Variants in STX2 observed in about 807,000 individuals in gnomAD.
STX2 encodes the protein syntaxin 2, also known as syntaxin-2.
A neutral mutation model predicts 40.6 loss-of-function variants in STX2; 27 were observed. That is an observed-to-expected ratio of 0.66 (90% CI 0.49 to 0.92). The LOEUF is 0.92. Among genes scored for constraint, STX2 ranks in the 40% least tolerant of loss-of-function variants. The pLI, the probability that STX2 is intolerant of heterozygous loss-of-function variation, is 0.00. For missense variants in STX2, 328 were observed against 366.1 expected (o/e 0.90, Z 0.85); for synonymous variants, 123 against 119.1 (o/e 1.03, Z -0.22).
At chr12:130,816,172 C>G (rs1375054396) in intron 3 of STX2, among the ~76,000 whole-genome samples, 6 of 152,190 alleles carry the variant, frequency 3.9e-5, no homozygotes, top group African/African-American at 1.4e-4. Context: ...GTGCAGGGGT[C>G]CGGCCCAGCC....
chr12:130,792,905 A>G (rs1460909383), intron 10 of STX2, among the ~76,000 whole-genome samples: 1 of 152,220 alleles, frequency 6.6e-6, no homozygotes, highest in Non-Finnish European at 1.5e-5. Flanking sequence ...GTATCCTCAC[A>G]CAAGGCAAAG....
At chr12:130,808,146 C>A (rs1316169417) in intron 5 of STX2, among the ~76,000 whole-genome samples, 2 of 152,206 alleles carry the variant, frequency 1.3e-5, no homozygotes, top group Non-Finnish European at 2.9e-5. Context: ...TCCTCCCTCA[C>A]CTCAGGCTCA....
chr12:130,795,353 A>G (rs1160489669), intron 10 of STX2, among the ~76,000 whole-genome samples: 1 of 152,188 alleles, frequency 6.6e-6, no homozygotes, highest in Non-Finnish European at 1.5e-5. Flanking sequence ...AAAACTCAGG[A>G]GACAAAACAT....
At chr12:130,834,652 A>C (rs1299773587) in intron 1 of STX2, among the ~76,000 whole-genome samples, 1 of 152,246 alleles carries the variant, frequency 6.6e-6, no homozygotes, top group Non-Finnish European at 1.5e-5. Flanking sequence ...AAACTAAAGG[A>C]CATGTTTAGA....
intron 1 of STX2, among the ~76,000 whole-genome samples, chr12:130,836,190 G>C (rs186148029): frequency 6.6e-6 from 1 of 152,186 alleles, no homozygotes; most frequent in African/African-American, 2.4e-5. Context: ...GTAACTTTAA[G>C]ATGGGTTTTT....
intron 1 of STX2, among the ~76,000 whole-genome samples, chr12:130,835,123 T>C (rs1952713533): frequency 6.6e-6 from 1 of 152,192 alleles, no homozygotes; most frequent in African/African-American, 2.4e-5. Context: ...ACCCCATCTC[T>C]ATAAAAAATA....
At chr12:130,825,059 T>G (rs1158780028) in intron 2 of STX2, among the ~76,000 whole-genome samples, 2 of 150,752 alleles carry the variant, frequency 1.3e-5, no homozygotes, top group East Asian at 1.9e-4. Context: ...TTTTTTTTTT[T>G]GTCGCCCAAG....
chr12:130,821,719 T>A lies in STX2; in HGVS notation c.175A>T (p.Ile59Phe). The change falls in exon 3 of 11, where the codon ATC becomes TTC. Residue 59 changes from isoleucine (I) to phenylalanine (F), a missense_variant. Ile to Phe is a conservative substitution (Grantham distance 21, BLOSUM62 0). Coordinates refer to ENST00000392373, the MANE Select transcript of STX2 (RefSeq NM_194356.4). ...YVEEVKKNHS[I>F]ILSAPNPEGK... The stretch of plus-strand genomic sequence containing the variant: ...TCCGGGTTTGGTGCAGAAAGAATGA[T>A]GCTGTGGTTTTTCTTTACTTCTTCA... 1 of 1,613,924 alleles carries A rather than the reference T, an allele frequency of 6.2e-7. No homozygotes were observed. The highest frequency in any genetic ancestry group is 1.1e-5 in the South Asian group (1 of 91,072).
At position 130,804,898 on chromosome 12, in the gene STX2, A is replaced by C. The variant is rs1369562378; in HGVS notation, c.463+2084T>G. On this transcript the variant is annotated intron_variant, in intron 6 of 10. Transcript: ENST00000392373. ...AACTGGAAATGAATTCTGTGGGCTGAGATAGAATAATGTGGGAAAGAGAGA... is the reference window on the plus strand; with the variant it reads ...AACTGGAAATGAATTCTGTGGGCTGCGATAGAATAATGTGGGAAAGAGAGA... 2.0e-5 allele frequency among the ~76,000 whole-genome samples: 3 copies of C among 152,218 alleles called. No homozygotes were observed. In the East Asian group the frequency reaches 5.8e-4, roughly 29 times the overall value.
At chr12:130,802,102 G>A (rs547586174) in intron 6 of STX2, among the ~76,000 whole-genome samples, 88 of 152,270 alleles carry the variant, frequency 5.8e-4, no homozygotes, top group African/African-American at 1.9e-3. Flanking sequence ...TGGAAACAAC[G>A]CAAACGTCCG....
Position 130,796,043 on chromosome 12 carries a change from T to A in STX2, c.864A>T (p.Lys288Asn). Reference protein sequence around the residue: ...IALIIGLSVGK With the variant: ...IALIIGLSVGN ...CACACTGACGTTATCCACACCATCA[T>A]TTGCCAACTGACAAGCCAATAATTA... Residue 288 changes from lysine to asparagine, a missense_variant, in exon 10 of 11, where the codon AAA becomes AAT. Transcript: ENST00000392373. 6.2e-7 allele frequency: 1 copy of A among 1,614,174 alleles called. No individual in the cohort carries two copies.
intron 3 of STX2, among the ~76,000 whole-genome samples, chr12:130,820,574 A>G (rs4759796): frequency 0.68 from 103,294 of 152,028 alleles, 38,302 homozygotes; most frequent in East Asian, 0.99. Flanking sequence ...GCCAAGGCAG[A>G]AGAATCGCTT....
At chr12:130,801,046 T>A in intron 8 of STX2, 107 bp downstream of exon 8, 1 of 1,314,740 alleles carries the variant, frequency 7.6e-7, no homozygotes, top group Non-Finnish European at 1.0e-6. Context: ...ATTTGGTGGA[T>A]CCAAAATAAC....
At chr12:130,794,661 A>G (rs1593107954) in intron 10 of STX2, among the ~76,000 whole-genome samples, 2 of 151,898 alleles carry the variant, frequency 1.3e-5, no homozygotes, top group African/African-American at 2.4e-5. Flanking sequence ...ACCATGCCCA[A>G]TTAGTTTTTG....
rs551149679 is a variant in STX2, at chr12:130,820,190, A to G, written c.205+1499T>C. Among the ~76,000 whole-genome samples, 3 of 152,312 alleles carry G rather than the reference A, an allele frequency of 2.0e-5. No homozygotes were observed. In the South Asian group the frequency reaches 6.2e-4, roughly 32 times the overall value. ...AATAAATCAGTTAAAACTAACAAGC[A>G]TAAGAGCTGCAAGGAAAAAACGGTC... On this transcript the variant is annotated intron_variant, in intron 3 of 10. Transcript: ENST00000392373.
At chr12:130,833,731 C>G (rs1952658931) in intron 1 of STX2, among the ~76,000 whole-genome samples, 1 of 152,022 alleles carries the variant, frequency 6.6e-6, no homozygotes, top group South Asian at 2.1e-4. Flanking sequence ...TTTAATAAAT[C>G]TCCCTTTTCT....
intron 2 of STX2, among the ~76,000 whole-genome samples, chr12:130,824,921 A>T (rs1490225930): frequency 6.6e-6 from 1 of 152,188 alleles, no homozygotes; most frequent in Non-Finnish European, 1.5e-5. Flanking sequence ...TTCCTAAAGT[A>T]CGAGTAACCT....
chr12:130,834,663 T>C (rs909610993), intron 1 of STX2, among the ~76,000 whole-genome samples: 1 of 152,242 alleles, frequency 6.6e-6, no homozygotes, highest in African/African-American at 2.4e-5. Flanking sequence ...CATGTTTAGA[T>C]ATACAAATGA....
At chr12:130,792,029 T>C in intron 10 of STX2, 52 bp from the exon 11 acceptor site, 1 of 1,276,724 alleles carries the variant, frequency 7.8e-7, no homozygotes, top group African/African-American at 1.5e-5. Flanking sequence ...AAATCAACAA[T>C]GGCATTTGCT....
Sources: gnomAD v4.1 joint callset for allele counts (sites outside exome capture counted in the v4.1 genomes callset) on GRCh38, gnomAD v4.1.1 for gene constraint, MANE v1.5 for transcripts, NCBI Gene and HGNC (gene_info 2026-07-23, HGNC 2026-07-21) for gene names.